Variants in DCC observed in about 807,000 individuals in gnomAD.
DCC encodes netrin receptor DCC.
DCC carries 58 observed loss-of-function variants against 172.5 expected under a neutral mutation model. The ratio of observed to expected loss-of-function variants is 0.34; its 90% CI spans 0.27 to 0.42. The LOEUF (loss-of-function observed/expected upper bound fraction) is 0.42, where lower values mean the gene tolerates loss of function less well. Among genes scored for constraint, DCC ranks in the 10% least tolerant of loss-of-function variants. DCC has a pLI of 1.00. For missense variants in DCC, 1,740 were observed against 1,791.0 expected, an observed-to-expected ratio of 0.97 and a Z score of 0.51; for synonymous variants, 709 against 644.5, an observed-to-expected ratio of 1.10 and a Z score of -1.52.
At chr18:53,364,893 C>CA (rs1170415567) in intron 15 of DCC, among the ~76,000 whole-genome samples, 1 of 152,106 alleles carries the variant, frequency 6.6e-6, no homozygotes, top group Non-Finnish European at 1.5e-5. Context: ...ACATGGAAAG[C>CA]AAAATGGCTT....
intron 2 of DCC, among the ~76,000 whole-genome samples, chr18:52,782,889 A>G (rs2037574050): frequency 6.6e-6 from 1 of 152,100 alleles, no homozygotes; most frequent in South Asian, 2.1e-4. Flanking sequence ...CACTCTACCT[A>G]GAAGAAATGG....
chr18:53,081,111 T>C lies in DCC; in HGVS notation c.1261+14945T>C, dbSNP rs8086789. On this transcript the variant is annotated intron_variant, in intron 7 of 28. Coordinates refer to ENST00000442544, the MANE Select transcript of DCC (RefSeq NM_005215.4). ...TATCAGAAGGTAAAAACTATCACTTTTTCCCCCCCTCCCCTCTTTATTTCC... is the reference window on the plus strand; with the variant it reads ...TATCAGAAGGTAAAAACTATCACTTCTTCCCCCCCTCCCCTCTTTATTTCC... 4.9e-3 allele frequency among the ~76,000 whole-genome samples: 746 copies of C among 152,156 alleles called. 8 individuals carry two copies. Among genetic ancestry groups the C allele is most frequent in the African/African-American group, 0.017 (712 of 41,532 alleles).
chr18:53,005,191 A>T, intron 5 of DCC, among the ~76,000 whole-genome samples: 1 of 152,212 alleles, frequency 6.6e-6, no homozygotes, highest in East Asian at 1.9e-4. Flanking sequence ...AGTCTCAGGT[A>T]TTCTGTTATA....
chr18:53,278,089 C>G (rs762247539), intron 12 of DCC, among the ~76,000 whole-genome samples: 1 of 152,056 alleles, frequency 6.6e-6, no homozygotes, highest in Non-Finnish European at 1.5e-5. Flanking sequence ...AATATATTCA[C>G]AGGCATATGA....
chr18:53,429,773 A>C (rs1911488627), intron 21 of DCC, among the ~76,000 whole-genome samples: 1 of 152,136 alleles, frequency 6.6e-6, no homozygotes, highest in Non-Finnish European at 1.5e-5. Flanking sequence ...ACCAGGGCTC[A>C]ATATTGGACA....
At chr18:52,993,298 G>T (rs989516760) in intron 5 of DCC, among the ~76,000 whole-genome samples, 8 of 152,090 alleles carry the variant, frequency 5.3e-5, no homozygotes, top group African/African-American at 1.9e-4. Context: ...AGATTTTTAC[G>T]TAGGATGTAA....
intron 1 of DCC, among the ~76,000 whole-genome samples, chr18:52,617,611 T>C (rs774684971): frequency 4.2e-5 from 5 of 118,432 alleles, no homozygotes; most frequent in Non-Finnish European, 8.5e-5. Flanking sequence ...CAACTTTTTA[T>C]ATGTTTCTCT....
intron 8 of DCC, among the ~76,000 whole-genome samples, chr18:53,164,795 C>T (rs1347497684): frequency 6.6e-6 from 1 of 152,154 alleles, no homozygotes; most frequent in Non-Finnish European, 1.5e-5. Context: ...TGTTTCTTAA[C>T]TCTTATTTAG....
chr18:52,975,332 C>G (rs74322765), intron 5 of DCC, among the ~76,000 whole-genome samples: 1 of 152,274 alleles, frequency 6.6e-6, no homozygotes, highest in East Asian at 1.9e-4. Flanking sequence ...TATAAGGATA[C>G]AGTCCTGTTG....
intron 1 of DCC, among the ~76,000 whole-genome samples, chr18:52,687,620 T>C (rs1317335427): frequency 1.3e-5 from 2 of 152,164 alleles, no homozygotes; most frequent in Non-Finnish European, 2.9e-5. Flanking sequence ...TTAACGTATA[T>C]ACATACAATT....
At chr18:53,509,465 T>C (rs1046053727) in intron 27 of DCC, among the ~76,000 whole-genome samples, 1 of 152,196 alleles carries the variant, frequency 6.6e-6, no homozygotes, top group Non-Finnish European at 1.5e-5. Flanking sequence ...ATTTAGCAGA[T>C]CTAGAGTAGA....
chr18:52,433,585 A>G (rs1308998202), intron 1 of DCC, among the ~76,000 whole-genome samples: 7 of 152,214 alleles, frequency 4.6e-5, no homozygotes, highest in Admixed American at 4.6e-4. Context: ...CATAATGGGA[A>G]CCATGTATGA....
At chr18:52,940,565 A>G (rs975055636) in intron 5 of DCC, among the ~76,000 whole-genome samples, 4 of 152,210 alleles carry the variant, frequency 2.6e-5, no homozygotes, top group African/African-American at 7.2e-5. Context: ...TTAAGTTTGC[A>G]GATGACTCTG....
intron 5 of DCC, among the ~76,000 whole-genome samples, chr18:53,022,736 C>T (rs894237864): frequency 1.3e-5 from 2 of 151,906 alleles, no homozygotes; most frequent in Non-Finnish European, 2.9e-5. Flanking sequence ...AGAGAATTGT[C>T]AAAAGCATCA....
chr18:52,767,035 T>A (rs1485977623), intron 2 of DCC, among the ~76,000 whole-genome samples: 1 of 151,828 alleles, frequency 6.6e-6, no homozygotes, highest in Non-Finnish European at 1.5e-5. Context: ...GGGACACATA[T>A]CCTGTGTCTT....
At chr18:53,516,694 A>G (rs1281474716) in intron 27 of DCC, among the ~76,000 whole-genome samples, 1 of 150,510 alleles carries the variant, frequency 6.6e-6, no homozygotes, top group African/African-American at 2.5e-5. Flanking sequence ...AACACATGAA[A>G]AAATGCTTAT....
intron 12 of DCC, among the ~76,000 whole-genome samples, chr18:53,238,947 A>G (rs1319992494): frequency 1.3e-5 from 2 of 151,634 alleles, no homozygotes; most frequent in Non-Finnish European, 2.9e-5. Context: ...CGCAAGGACA[A>G]AAAACCAAAC....
Position 53,019,152 on chromosome 18 carries a change from G to A in DCC, c.986-44153G>A, listed in dbSNP as rs538742545. On this transcript the variant is annotated intron_variant, in intron 5 of 28. Coordinates refer to ENST00000442544, the MANE Select transcript of DCC (RefSeq NM_005215.4). ...ATTTTTACAAACAAGATAGCTGAGAGCTTTCACGTAATTCAATAGCTGACT... is the reference window on the plus strand; with the variant it reads ...ATTTTTACAAACAAGATAGCTGAGAACTTTCACGTAATTCAATAGCTGACT... Among the ~76,000 whole-genome samples, 34 of 152,238 alleles carry A rather than the reference G, an allele frequency of 2.2e-4. 1 individual carries two copies. Among genetic ancestry groups the A allele is most frequent in the South Asian group, 1.7e-3 (8 of 4,828 alleles).
intron 1 of DCC, among the ~76,000 whole-genome samples, chr18:52,744,218 T>G (rs866987632): frequency 2.6e-5 from 4 of 152,194 alleles, no homozygotes; most frequent in African/African-American, 9.7e-5. Flanking sequence ...TTATACTAAA[T>G]TTGTTTTTCA....
Sources: allele counts gnomAD v4.1 joint callset (sites outside exome capture counted in the v4.1 genomes callset), GRCh38; gene constraint gnomAD v4.1.1; transcripts MANE v1.5; gene names NCBI Gene and HGNC (gene_info 2026-07-23, HGNC 2026-07-21).